The following PHF24 variants were observed in gnomAD, a reference collection of about 807,000 sequenced individuals.
PHF24 encodes PHD finger protein 24.
In PHF24, 25 loss-of-function variants were observed where a neutral mutation model predicts 42.6. The ratio of observed to expected loss-of-function variants is 0.59; its 90% CI spans 0.43 to 0.82. The LOEUF (loss-of-function observed/expected upper bound fraction) is 0.82, where lower values mean the gene tolerates loss of function less well. Among genes scored for constraint, PHF24 ranks in the 40% least tolerant of loss-of-function variants. The pLI is 0.00. For synonymous variants in PHF24, 185 were observed against 204.8 expected, an observed-to-expected ratio of 0.90 and a Z score of 0.83; for missense variants, 470 against 538.1, an observed-to-expected ratio of 0.87 and a Z score of 1.25.
chr9:34,918,276 C>A, the PHF24 span: 2 of 1,409,718 alleles, frequency 1.4e-6, no homozygotes, highest in Non-Finnish European at 2.0e-6. Context: ...TGGTGATGAG[C>A]CCTTCCAGTA....
At chr9:34,928,249 G>T in the PHF24 span, among the ~76,000 whole-genome samples, 1 of 150,054 alleles carries the variant, frequency 6.7e-6, no homozygotes, top group African/African-American at 2.5e-5. Context: ...ACTCTTTGAC[G>T]GCACAACAGG....
At chr9:34,800,249 A>C in the PHF24 span, among the ~76,000 whole-genome samples, 2 of 152,208 alleles carry the variant, frequency 1.3e-5, no homozygotes, top group African/African-American at 4.8e-5. Context: ...TGAGGTAATG[A>C]AGATCTGACT....
chr9:34,892,206 C>G, the PHF24 span, among the ~76,000 whole-genome samples: 10 of 152,252 alleles, frequency 6.6e-5, no homozygotes, highest in African/African-American at 2.4e-4. Flanking sequence ...GAGGGTAGAG[C>G]TAGAACCATG....
At position 34,967,676 on chromosome 9, in the gene PHF24, C is replaced by T. The variant is rs570338497; in HGVS notation, c.-4-3619C>T. Among the ~76,000 whole-genome samples the T allele has an allele frequency of 2.6e-5, 4 of 152,324 alleles. No individual in the cohort carries two copies. In the South Asian group the frequency reaches 8.3e-4, roughly 32 times the overall value. On this transcript the variant is annotated intron_variant, in intron 1 of 7. Transcript: ENST00000242315. ...CCCAGCCATCGAACACGCTGTTGCC[C>T]ATGAGGCATTTGAGCAGCATCTGGG...
chr9:34,722,788 A>G, the PHF24 span, among the ~76,000 whole-genome samples: 1 of 152,200 alleles, frequency 6.6e-6, no homozygotes, highest in African/African-American at 2.4e-5. Flanking sequence ...GTAAGGTCTT[A>G]CTATGCATTA....
At chr9:34,944,470 G>A in the PHF24 span, among the ~76,000 whole-genome samples, 5 of 152,226 alleles carry the variant, frequency 3.3e-5, no homozygotes, top group African/African-American at 4.8e-5. Flanking sequence ...AAGGGGTAGA[G>A]CCCCTGAGAG....
chr9:34,922,942 G>A, the PHF24 span: 1 of 1,402,254 alleles, frequency 7.1e-7, no homozygotes, highest in Non-Finnish European at 9.7e-7. Flanking sequence ...TCCAGCAGTG[G>A]TCTCACCTTG....
chr9:34,911,307 T>C, the PHF24 span, among the ~76,000 whole-genome samples: 1 of 152,146 alleles, frequency 6.6e-6, no homozygotes, highest in East Asian at 1.9e-4. Context: ...CAGGCTAGAG[T>C]GCAGTGGCAT....
the PHF24 span, among the ~76,000 whole-genome samples, chr9:34,898,330 A>T: frequency 8.5e-5 from 13 of 152,314 alleles, 1 homozygote; most frequent in East Asian, 1.4e-3. Flanking sequence ...ATCCATGCCA[A>T]CATCTACTGT....
the PHF24 span, chr9:34,894,421 T>G: frequency 2.5e-6 from 1 of 398,578 alleles, no homozygotes; most frequent in Non-Finnish European, 4.4e-6. Context: ...GCTGGGAGAC[T>G]GCAAAGAAGA....
At chr9:34,773,479 G>A in the PHF24 span, among the ~76,000 whole-genome samples, 5 of 151,326 alleles carry the variant, frequency 3.3e-5, no homozygotes, top group South Asian at 8.3e-4. Flanking sequence ...TCAACTGCAA[G>A]AGTTCCCAAT....
At chr9:34,859,514 T>A in the PHF24 span, among the ~76,000 whole-genome samples, 2 of 152,196 alleles carry the variant, frequency 1.3e-5, no homozygotes, top group Admixed American at 1.3e-4. Context: ...TTTCTAGACC[T>A]TTGACTGTTT....
the PHF24 span, among the ~76,000 whole-genome samples, chr9:34,791,126 C>T: frequency 9.9e-5 from 15 of 152,198 alleles, no homozygotes; most frequent in Admixed American, 8.5e-4. Context: ...CCTAAATGCT[C>T]TTTGAGAACT....
chr9:34,707,149 C>T, the PHF24 span, among the ~76,000 whole-genome samples: 1 of 152,164 alleles, frequency 6.6e-6, no homozygotes, highest in African/African-American at 2.4e-5. Context: ...AGTGACAGGA[C>T]TGTTGAGTAG....
At chr9:34,829,842 A>C in the PHF24 span, among the ~76,000 whole-genome samples, 1 of 152,236 alleles carries the variant, frequency 6.6e-6, no homozygotes, top group African/African-American at 2.4e-5. Flanking sequence ...GTCTTGATGT[A>C]TGAACTGAGA....
At chr9:34,685,130 C>T in the PHF24 span, among the ~76,000 whole-genome samples, 4 of 152,204 alleles carry the variant, frequency 2.6e-5, no homozygotes, top group South Asian at 2.1e-4. Context: ...TGCCACCTGC[C>T]GATCAGACGC....
At chr9:34,773,579 C>T in the PHF24 span, among the ~76,000 whole-genome samples, 2 of 152,136 alleles carry the variant, frequency 1.3e-5, no homozygotes, top group Non-Finnish European at 2.9e-5. Context: ...CAAGTCTACA[C>T]TGATATAAAT....
the PHF24 span, among the ~76,000 whole-genome samples, chr9:34,932,982 CTCTT>C: frequency 2.1e-5 from 2 of 94,412 alleles, no homozygotes; most frequent in South Asian, 3.9e-4. Context: ...AGAGCAGGAA[CTCTT>C]TTTTTTTTTT....
the PHF24 span, among the ~76,000 whole-genome samples, chr9:34,738,359 T>A: frequency 1.3e-5 from 2 of 152,150 alleles, no homozygotes; most frequent in Non-Finnish European, 2.9e-5. Context: ...TTTTTTTTTT[T>A]ATTTTTATTG....
Sources: gnomAD v4.1 joint callset for allele counts (sites outside exome capture counted in the v4.1 genomes callset) on GRCh38, gnomAD v4.1.1 for gene constraint, MANE v1.5 for transcripts, NCBI Gene and HGNC (gene_info 2026-07-23, HGNC 2026-07-21) for gene names.